The following NEBL variants were observed in gnomAD, a reference collection of about 807,000 sequenced individuals.
The protein encoded by NEBL is LIM and SH3 protein 2.
In NEBL, 122 loss-of-function variants were observed where a neutral mutation model predicts 140.2. The observed-to-expected ratio is 0.87, with a 90% CI of 0.75 to 1.01. The LOEUF (loss-of-function observed/expected upper bound fraction) is 1.01, where lower values mean the gene tolerates loss of function less well. Ranked by LOEUF, NEBL falls within the 50% of genes least tolerant of loss-of-function variation. The pLI is 0.00. For missense variants in NEBL, 1,365 were observed against 1,231.3 expected (o/e 1.11, Z -1.62); for synonymous variants, 436 against 398.9 (o/e 1.09, Z -1.11).
intron 2 of NEBL, chr10:21,030,154 G>A (rs1029370990): frequency 4.2e-6 from 2 of 477,454 alleles, no homozygotes; most frequent in Non-Finnish European, 4.0e-6. Context: ...GGCTACAGAA[G>A]GAACAAGATA....
At position 20,830,912 on chromosome 10, in the gene NEBL, TA is replaced by T. The variant is rs371760760; in HGVS notation, c.1671+283del. ...GAGTGAGACCTCCATCTCTAAAATTTAAAAAAAAAAAAAAAAAAAAAAAGGT... is the reference window on the plus strand; with the variant it reads ...GAGTGAGACCTCCATCTCTAAAATTTAAAAAAAAAAAAAAAAAAAAAAGGT... On this transcript the variant is annotated intron_variant, in intron 16 of 27. Transcript: ENST00000377122. 0.042 allele frequency among the ~76,000 whole-genome samples: 3,841 copies of T among 92,318 alleles called. 65 individuals are homozygous for T. The highest frequency in any genetic ancestry group is 0.11 in the Middle Eastern group (17 of 150). The allele number at this position is 92,318 out of a possible 152,430, so 60.6% of individuals were successfully genotyped here. A position where few individuals can be genotyped will look rare whatever the true frequency, so the allele number is the denominator to read the frequency against.
At chr10:20,791,224 A>G (rs1489896826) in intron 26 of NEBL, among the ~76,000 whole-genome samples, 1 of 152,224 alleles carries the variant, frequency 6.6e-6, no homozygotes, top group Admixed American at 6.5e-5. Context: ...AATATTCTAC[A>G]ACATTTATAA....
At chr10:20,947,188 A>G (rs904889037) in intron 4 of NEBL, among the ~76,000 whole-genome samples, 1 of 152,194 alleles carries the variant, frequency 6.6e-6, no homozygotes, top group Non-Finnish European at 1.5e-5. Flanking sequence ...AAAGAGTCAT[A>G]TGTCGAAAAC....
intron 3 of NEBL, among the ~76,000 whole-genome samples, chr10:21,244,340 A>ATT (rs753062414): frequency 0.25 from 35,601 of 143,148 alleles, 4,554 homozygotes; most frequent in African/African-American, 0.33. Flanking sequence ...TAAATTTTGT[A>ATT]TTTTTTTTTT....
intron 3 of NEBL, among the ~76,000 whole-genome samples, chr10:21,190,508 A>G (rs1425254376): frequency 6.6e-6 from 1 of 152,056 alleles, no homozygotes; most frequent in Non-Finnish European, 1.5e-5. Context: ...CCAAAAAACC[A>G]TCCTGGATCT....
In NEBL at chr10:20,782,262, G is replaced by C. The variant is rs1043121; in HGVS notation, c.*3485C>G. The C allele has an allele frequency of 0.43, 65,241 of 152,254 alleles. 14,103 individuals carry two copies. Among genetic ancestry groups the C allele is most frequent in the Middle Eastern group, 0.55 (161 of 294 alleles). 9.4% of individuals were successfully genotyped at this position (152,254 alleles called of 1,614,324 possible). ...TGCTTGCTTGGTTTTCTTTCCAAGA[G>C]CATACTAGACAAACAAGAGTAATCA... On this transcript the variant is annotated 3_prime_UTR_variant, in exon 28 of 28. Transcript: ENST00000377122.
At chr10:21,291,715 C>T (rs1443468779) in intron 1 of NEBL, among the ~76,000 whole-genome samples, 4 of 151,674 alleles carry the variant, frequency 2.6e-5, no homozygotes, top group Non-Finnish European at 5.9e-5. Context: ...GAGTTCAAGA[C>T]CAACCTGGCC....
chr10:21,182,968 C>T (rs1389166158), intron 3 of NEBL, among the ~76,000 whole-genome samples: 7 of 152,150 alleles, frequency 4.6e-5, no homozygotes, highest in Non-Finnish European at 7.3e-5. Context: ...TCAGAGCCAC[C>T]GATGGCCCAT....
intron 4 of NEBL, among the ~76,000 whole-genome samples, chr10:20,943,231 C>T (rs1467219201): frequency 6.6e-6 from 1 of 152,202 alleles, no homozygotes; most frequent in African/African-American, 2.4e-5. Context: ...AAATGTGGCA[C>T]ATATACACCA....
chr10:20,802,506 A>T (rs1348142391), intron 26 of NEBL, among the ~76,000 whole-genome samples: 2 of 152,242 alleles, frequency 1.3e-5, no homozygotes, highest in African/African-American at 4.8e-5. Context: ...TACATTGAAA[A>T]GTAGATTGAC....
Position 21,276,730 on chromosome 10 carries a change from A to G in NEBL, n.182+16100T>C, listed in dbSNP as rs376809737. Among the ~76,000 whole-genome samples, 7 of 152,276 alleles carry G rather than the reference A, an allele frequency of 4.6e-5. No individual in the cohort carries two copies. The East Asian group carries it at 9.7e-4, about 21-fold the overall frequency. ...ATGTCTGTAACCCTAGAGCTTTGGG[A>G]GGCCAAAGCAGGCAGATCACTTGAG... On this transcript the variant is annotated intron_variant and non_coding_transcript_variant, in intron 1 of 8. Coordinates refer to the NEBL transcript ENST00000675702.
At chr10:21,284,452 C>A (rs1843031999) in intron 1 of NEBL, among the ~76,000 whole-genome samples, 1 of 151,720 alleles carries the variant, frequency 6.6e-6, no homozygotes, top group Admixed American at 6.6e-5. Flanking sequence ...ATGCAGCAAG[C>A]ACATCTTATT....
At chr10:21,228,294 C>G (rs942519632) in intron 3 of NEBL, among the ~76,000 whole-genome samples, 1 of 152,072 alleles carries the variant, frequency 6.6e-6, no homozygotes, top group East Asian at 1.9e-4. Context: ...GCTGGGACTA[C>G]AGGTAAAAAC....
intron 2 of NEBL, among the ~76,000 whole-genome samples, chr10:20,896,204 T>C (rs1388224388): frequency 2.0e-5 from 3 of 152,146 alleles, no homozygotes; most frequent in Non-Finnish European, 2.9e-5. Flanking sequence ...AGCAATCCTC[T>C]TAGAACCGCT....
At chr10:21,000,719 T>C (rs115936686) in intron 3 of NEBL, among the ~76,000 whole-genome samples, 1,804 of 152,140 alleles carry the variant, frequency 0.012, 32 homozygotes, top group African/African-American at 0.041. Flanking sequence ...CACCCCAAAA[T>C]GACAAAGTGA....
chr10:21,071,808 CT>C (rs60881269), intron 2 of NEBL, among the ~76,000 whole-genome samples: 137,295 of 152,174 alleles, frequency 0.9, 62,158 homozygotes, highest in African/African-American at 0.96. Context: ...TAGTGTTGGG[CT>C]TTTTGTTTTT....
chr10:21,089,474 C>A (rs1205097910), intron 2 of NEBL, among the ~76,000 whole-genome samples: 1 of 151,996 alleles, frequency 6.6e-6, no homozygotes, highest in Non-Finnish European at 1.5e-5. Context: ...AGAAGGGGAG[C>A]AAGAGCACGT....
chr10:20,869,750 A>C lies in NEBL; in HGVS notation c.572T>G (p.Ile191Ser). 6.2e-7 allele frequency: 1 copy of C among 1,607,286 alleles called. No individual in the cohort carries two copies. Among genetic ancestry groups the C allele is most frequent in the Non-Finnish European group, 8.5e-7 (1 of 1,173,866 alleles). ...AGAAAGAGAAGTTACATTGCTTATG[A>C]TCTTAGAGATCTGGGTTGCCATCTT... The part of the protein sequence containing the change: ...DIKMATQISK[I>S]ISNAEYKKGQ... Residue 191 changes from isoleucine (I) to serine (S), a missense_variant, in exon 6 of 28, where the codon ATC becomes AGC. Around this residue, in one of 2 missense-constraint regions of NEBL, gnomAD observed 1,323 missense variants for 1,154.8 expected, o/e 1.15. Coordinates refer to ENST00000377122, the MANE Select transcript of NEBL (RefSeq NM_006393.3).
chr10:21,241,856 A>G lies in NEBL; in HGVS notation n.348+6065T>C, dbSNP rs1255329083. Among the ~76,000 whole-genome samples, 37 of 152,196 alleles carry G rather than the reference A, an allele frequency of 2.4e-4. 1 individual carries two copies. ...AAGTTCTTTATAGACCTGGGATTCC[A>G]TTTCTGTCTTAGTACATCTTGGTCA... On this transcript the variant is annotated intron_variant and non_coding_transcript_variant, in intron 3 of 8. Transcript: ENST00000675702.
Sources: gnomAD v4.1 joint callset for allele counts (sites outside exome capture counted in the v4.1 genomes callset) on GRCh38, gnomAD v4.1.1 for gene constraint, gnomAD v4.1.1 regional missense constraint, MANE v1.5 for transcripts, NCBI Gene and HGNC (gene_info 2026-07-23, HGNC 2026-07-21) for gene names.